Variants in HOXD3 observed in about 807,000 individuals in gnomAD.
HOXD3 encodes homeobox protein Hox-D3.
Under a neutral mutation model 32.8 loss-of-function variants are expected in HOXD3, and 13 were observed. That is an observed-to-expected ratio of 0.40 (90% CI 0.26 to 0.63). The LOEUF (loss-of-function observed/expected upper bound fraction) is 0.63, where lower values mean the gene tolerates loss of function less well. HOXD3 is among the 20% of genes least tolerant of loss of function. The pLI is 0.44. For synonymous variants in HOXD3, 241 were observed against 246.8 expected, an observed-to-expected ratio of 0.98 and a Z score of 0.22; for missense variants, 504 against 577.1, an observed-to-expected ratio of 0.87 and a Z score of 1.30.
chr2:176,171,636 C>G lies in HOXD3; in HGVS notation c.661C>G (p.Arg221Gly). 6.2e-7 allele frequency: 1 copy of G among 1,614,192 alleles called. No homozygotes were observed. The change falls in exon 4 of 4, where the codon CGG becomes GGG. Residue 221 changes from arginine to glycine, a missense_variant. Around this residue, in one of 3 missense-constraint regions of HOXD3, gnomAD observed 97 missense variants for 158.0 expected, o/e 0.61. Coordinates refer to ENST00000683222, the MANE Select transcript of HOXD3 (RefSeq NM_006898.5). ...ATTCCACTTCAACCGCTACTTGTGC[C>G]GGCCGCGCCGCGTGGAGATGGCCAA... Reference protein sequence around the residue: ...KEFHFNRYLCRPRRVEMANLL... With the variant: ...KEFHFNRYLCGPRRVEMANLL...
intron 2 of HOXD3, among the ~76,000 whole-genome samples, chr2:176,166,424 G>A (rs112135147): frequency 3.3e-5 from 5 of 152,182 alleles, no homozygotes; most frequent in Non-Finnish European, 5.9e-5. Context: ...GCAAGTTCTG[G>A]TAGTCTGAGT....
chr2:176,168,882 A>G, intron 2 of HOXD3, 149 bp from the exon 3 acceptor site: 1 of 535,638 alleles, frequency 1.9e-6, no homozygotes, highest in Non-Finnish European at 3.1e-6. Flanking sequence ...TAATAAATAA[A>G]TAGATAAGTA....
At chr2:176,169,792 G>A (rs1691113889) in intron 3 of HOXD3, 137 bp downstream of exon 3, 2 of 1,115,954 alleles carry the variant, frequency 1.8e-6, no homozygotes. Context: ...CTTTTTTTTA[G>A]TGTTCCTGAT....
chr2:176,166,066 A>G (rs552453408), intron 2 of HOXD3, among the ~76,000 whole-genome samples: 17 of 152,336 alleles, frequency 1.1e-4, no homozygotes, highest in African/African-American at 4.1e-4. Flanking sequence ...CAGTAAGGAC[A>G]GCACCATCAC....
upstream of HOXD3, chr2:176,152,988 C>G (rs766559351): frequency 7.6e-6 from 12 of 1,584,442 alleles, no homozygotes; most frequent in South Asian, 1.3e-4. This position sits in a 1 kb window ranked among gnomAD's most constrained non-coding sequence, Gnocchi z 5.2. Flanking sequence ...CAGGCTGAGC[C>G]GAAGCTGCGG....
At chr2:176,169,874 CT>C (rs1691116030) in intron 3 of HOXD3, among the ~76,000 whole-genome samples, 1 of 152,106 alleles carries the variant, frequency 6.6e-6, no homozygotes, top group African/African-American at 2.4e-5. Flanking sequence ...CTGGACAGGT[CT>C]TATAGCTATT....
intron 1 of HOXD3, among the ~76,000 whole-genome samples, chr2:176,158,385 C>A (rs574417950): frequency 6.6e-6 from 1 of 152,312 alleles, no homozygotes; most frequent in Admixed American, 6.5e-5. Flanking sequence ...TCCGTTCCAC[C>A]CCATCCCCAG....
intron 1 of HOXD3, among the ~76,000 whole-genome samples, chr2:176,162,373 C>CTT (rs1430653417): frequency 6.6e-6 from 1 of 152,072 alleles, no homozygotes; most frequent in Admixed American, 6.5e-5. Flanking sequence ...AAGAGTTTTC[C>CTT]TAGGGTGCTG....
upstream of HOXD3, among the ~76,000 whole-genome samples, chr2:176,157,132 C>G (rs1173262092): frequency 2.0e-5 from 3 of 152,276 alleles, no homozygotes; most frequent in Non-Finnish European, 4.4e-5. Context: ...TGTTGGGGAG[C>G]CCTCCCTGCC....
rs1691231777 is a variant in HOXD3 at position 176,172,509 on chromosome 2, G to C, written c.*235G>C. On this transcript the variant is annotated 3_prime_UTR_variant, in exon 4 of 4. Coordinates refer to ENST00000683222, the MANE Select transcript of HOXD3 (RefSeq NM_006898.5). ...CGCAAGGATCCTTCCCTGTAAATTT[G>C]ACAGTGCCACATACTGCGGACCAAG... 7.1e-6 allele frequency: 4 copies of C among 560,986 alleles called. No individual in the cohort carries two copies. Among genetic ancestry groups the C allele is most frequent in the South Asian group, 4.8e-5 (2 of 41,814 alleles). The allele number at this position is 560,986 out of a possible 1,614,324, so 34.8% of individuals were successfully genotyped here. A position where few individuals can be genotyped will look rare whatever the true frequency, so the allele number is the denominator to read the frequency against.
rs761895942 is a variant in HOXD3 at position 176,172,064 on chromosome 2, C to T, written c.1089C>T (p.Val363=). Reference sequence around the variant, plus strand: ...CGGTGTACGTGGGCGGCAACTTCGTCGAGTCCATGGCGCCCGCGTCCGGGC... The same window carrying T: ...CGGTGTACGTGGGCGGCAACTTCGTTGAGTCCATGGCGCCCGCGTCCGGGC... ...GSPVYVGGNF[V]ESMAPASGPV... is the part of the protein sequence containing the mutation. Residue 363 remains valine, a synonymous_variant, in exon 4 of 4, where the codon GTC becomes GTT. Coordinates refer to ENST00000683222, the MANE Select transcript of HOXD3 (RefSeq NM_006898.5). 1 of 1,610,040 alleles carries T rather than the reference C, an allele frequency of 6.2e-7. No individual in the cohort carries two copies. Among genetic ancestry groups the T allele is most frequent in the South Asian group, 1.1e-5 (1 of 90,958 alleles).
At position 176,157,442 on chromosome 2, in the gene HOXD3, C is replaced by G. The variant is rs556174126; in HGVS notation, c.-191C>G. 3.0e-4 allele frequency among the ~76,000 whole-genome samples: 45 copies of G among 152,218 alleles called. No homozygotes were observed. Among genetic ancestry groups the G allele is most frequent in the African/African-American group, 1.0e-3 (42 of 41,562 alleles). ...CCCCGGCCCCCGGCGGGCGCGGGAG[C>G]GCGGCCGCAGGTAAATATTTTGGCA... On this transcript the variant is annotated 5_prime_UTR_variant, in exon 1 of 4. Transcript: ENST00000683222.
intron 2 of HOXD3, among the ~76,000 whole-genome samples, chr2:176,166,119 G>A (rs1690963770): frequency 6.6e-6 from 1 of 152,206 alleles, no homozygotes; most frequent in African/African-American, 2.4e-5. Flanking sequence ...GTAGTGGATT[G>A]TCATTGAGTG....
upstream of HOXD3, among the ~76,000 whole-genome samples, chr2:176,157,020 C>A (rs1222762912): frequency 6.6e-6 from 1 of 152,100 alleles, no homozygotes. Context: ...GAATCGCGGG[C>A]AGGGATGAGG....
chr2:176,166,478 C>G (rs1291415013), intron 2 of HOXD3, among the ~76,000 whole-genome samples: 1 of 152,176 alleles, frequency 6.6e-6, no homozygotes, highest in African/African-American at 2.4e-5. Context: ...AGACTGAAAG[C>G]AGGATACCAG....
At chr2:176,170,523 T>A (rs1324560305) in intron 3 of HOXD3, among the ~76,000 whole-genome samples, 2 of 152,174 alleles carry the variant, frequency 1.3e-5, no homozygotes, top group Non-Finnish European at 2.9e-5. Flanking sequence ...TTCCTGAAAT[T>A]TTCTGACCTT....
rs745881618 is a variant in HOXD3 at position 176,169,346 on chromosome 2, G to A, written c.232G>A (p.Ala78Thr). The A allele has an allele frequency of 7.4e-6, 12 of 1,613,828 alleles. No individual in the cohort carries two copies. Among genetic ancestry groups the A allele is most frequent in the Admixed American group, 5.0e-5 (3 of 59,990 alleles). Residue 78 changes from alanine to threonine, a missense_variant, in exon 3 of 4, where the codon GCC (alanine) becomes ACC (threonine). Transcript: ENST00000683222. ...CATCCAGAGCTCTGCCCCTCTGAGAGCCCCAGCCCACAAAGGAGCTGAACT... is the reference window on the plus strand; with the variant it reads ...CATCCAGAGCTCTGCCCCTCTGAGAACCCCAGCCCACAAAGGAGCTGAACT... ...CSIQSSAPLR[A>T]PAHKGAELNG...
At chr2:176,166,099 G>T (rs1690963230) in intron 2 of HOXD3, among the ~76,000 whole-genome samples, 1 of 152,216 alleles carries the variant, frequency 6.6e-6, no homozygotes, top group South Asian at 2.1e-4. Flanking sequence ...TTGGGGAAAT[G>T]GACATTAAGG....
At chr2:176,165,870 T>C (rs1016323069) in intron 2 of HOXD3, among the ~76,000 whole-genome samples, 6 of 152,258 alleles carry the variant, frequency 3.9e-5, no homozygotes, top group South Asian at 2.1e-4. Flanking sequence ...CACTGAACAG[T>C]TGACCATTGT....
Sources: gnomAD v4.1 joint callset for allele counts (sites outside exome capture counted in the v4.1 genomes callset) on GRCh38, gnomAD v4.1.1 for gene constraint, gnomAD v4.1.1 regional missense constraint, Gnocchi (gnomAD v3.1) non-coding constraint, MANE v1.5 for transcripts, NCBI Gene and HGNC (gene_info 2026-07-23, HGNC 2026-07-21) for gene names.